Variants in CDH13 observed in about 807,000 individuals in gnomAD.
CDH13 encodes cadherin-13.
Under a neutral mutation model 63.8 loss-of-function variants are expected in CDH13, and 24 were observed. The ratio of observed to expected loss-of-function variants is 0.38; its 90% CI spans 0.27 to 0.53. CDH13 has a LOEUF of 0.53. CDH13 is among the 20% of genes least tolerant of loss of function. The probability of loss-of-function intolerance (pLI) is 0.85; values close to 1 mark genes in which losing one functional copy is unlikely to be tolerated. For synonymous variants in CDH13, 503 were observed against 355.3 expected (o/e 1.42, Z -4.67); for missense variants, 1,049 against 903.1 (o/e 1.16, Z -2.07).
intron 8 of CDH13, among the ~76,000 whole-genome samples, chr16:83,668,909 G>T (rs1198132800): frequency 1.3e-5 from 2 of 152,156 alleles, no homozygotes; most frequent in Non-Finnish European, 1.5e-5. Context: ...TGTACTGCAG[G>T]CCTGTCCACA....
At chr16:82,831,629 A>C (rs1157465696) in intron 1 of CDH13, among the ~76,000 whole-genome samples, 1 of 152,216 alleles carries the variant, frequency 6.6e-6, no homozygotes, top group Non-Finnish European at 1.5e-5. Flanking sequence ...ATATCCAAAA[A>C]ATAACAATAA....
intron 1 of CDH13, among the ~76,000 whole-genome samples, chr16:82,802,718 G>A: frequency 6.6e-6 from 1 of 152,036 alleles, no homozygotes; most frequent in East Asian, 1.9e-4. Context: ...TAACTTTAAA[G>A]GTGAGCATAC....
intron 5 of CDH13, among the ~76,000 whole-genome samples, chr16:83,221,953 A>C (rs1187144080): frequency 6.6e-6 from 1 of 152,250 alleles, no homozygotes; most frequent in Admixed American, 6.5e-5. Flanking sequence ...CTGATGAATT[A>C]GATGAGGGCT....
chr16:82,983,288 C>A (rs945715043), intron 2 of CDH13, among the ~76,000 whole-genome samples: 1 of 152,172 alleles, frequency 6.6e-6, no homozygotes, highest in Non-Finnish European at 1.5e-5. Context: ...ATTTTCATCT[C>A]AGTTTGATAG....
chr16:83,764,687 ACGGC>A lies in CDH13; in HGVS notation c.1682-15280_1682-15277del, dbSNP rs1567580992. Among the ~76,000 whole-genome samples, 33 of 112,242 alleles carry A rather than the reference ACGGC, an allele frequency of 2.9e-4. 4 individuals are homozygous for A. The highest frequency in any genetic ancestry group is 7.9e-4 in the African/African-American group (24 of 30,246). 73.6% of individuals were successfully genotyped at this position (112,242 alleles called of 152,430 possible). ...GCCTGCCTTCCCTGAGGCCCTTGCC[ACGGC>A]TGCTCAGCCTCCTGAAGTCAGCCCT... is the stretch of plus-strand genomic sequence containing the variant. On this transcript the variant is annotated intron_variant, in intron 11 of 13. Transcript: ENST00000567109.
At chr16:83,257,978 G>A (rs765158906) in intron 5 of CDH13, among the ~76,000 whole-genome samples, 1 of 152,096 alleles carries the variant, frequency 6.6e-6, no homozygotes, top group Non-Finnish European at 1.5e-5. Flanking sequence ...GTGTGAGATG[G>A]TATCTCAATG....
chr16:83,672,005 C>G (rs1479935173), intron 9 of CDH13, among the ~76,000 whole-genome samples: 1 of 152,156 alleles, frequency 6.6e-6, no homozygotes, highest in Non-Finnish European at 1.5e-5. Context: ...ATTTTCTTTT[C>G]TAGTGGATGA....
At chr16:83,538,001 C>T (rs537130629) in intron 7 of CDH13, among the ~76,000 whole-genome samples, 49 of 152,182 alleles carry the variant, frequency 3.2e-4, no homozygotes, top group African/African-American at 1.1e-3. Context: ...TTGATGTTAC[C>T]GTGCTATAAA....
chr16:83,715,500 T>C (rs934776560), intron 10 of CDH13, among the ~76,000 whole-genome samples: 1 of 152,196 alleles, frequency 6.6e-6, no homozygotes, highest in Non-Finnish European at 1.5e-5. Flanking sequence ...TAAGTCTCCT[T>C]CCTGGCAGCA....
intron 7 of CDH13, among the ~76,000 whole-genome samples, chr16:83,601,194 A>G (rs1390737279): frequency 6.6e-6 from 1 of 152,204 alleles, no homozygotes; most frequent in Admixed American, 6.5e-5. Context: ...GAAGTAAAGG[A>G]TAGGTCCCCA....
chr16:83,462,501 C>T lies in CDH13; in HGVS notation c.782-23976C>T, dbSNP rs149303185. Among the ~76,000 whole-genome samples, 774 of 152,346 alleles carry T rather than the reference C, an allele frequency of 5.1e-3. 10 individuals are homozygous for T. The highest frequency in any genetic ancestry group is 0.018 in the African/African-American group (747 of 41,584). ...GTGCAGTGGCTTACGCCTGTAATCC[C>T]AGCACTTTGGGAGGCCAACGCGAGC... On this transcript the variant is annotated intron_variant, in intron 6 of 13. Coordinates refer to ENST00000567109, the MANE Select transcript of CDH13 (RefSeq NM_001257.5).
chr16:82,921,852 A>T (rs1341376454), intron 2 of CDH13, among the ~76,000 whole-genome samples: 1 of 152,104 alleles, frequency 6.6e-6, no homozygotes, highest in African/African-American at 2.4e-5. Flanking sequence ...GCTTGATAAA[A>T]CTTACCTGTA....
At chr16:83,004,355 T>G (rs1913257148) in intron 2 of CDH13, among the ~76,000 whole-genome samples, 1 of 152,146 alleles carries the variant, frequency 6.6e-6, no homozygotes, top group South Asian at 2.1e-4. Context: ...CCAAATCAGT[T>G]AGGATATTGG....
chr16:83,151,467 A>G (rs1180607423), intron 4 of CDH13, among the ~76,000 whole-genome samples: 1 of 152,224 alleles, frequency 6.6e-6, no homozygotes, highest in Non-Finnish European at 1.5e-5. Flanking sequence ...GATAGCCATC[A>G]TTGGCTAGAC....
intron 5 of CDH13, among the ~76,000 whole-genome samples, chr16:83,246,268 G>C (rs1904982492): frequency 6.6e-6 from 1 of 152,150 alleles, no homozygotes; most frequent in South Asian, 2.1e-4. Context: ...GAAATTTTAT[G>C]CAAAAACTTG....
chr16:83,456,609 G>A (rs987952609), intron 6 of CDH13, among the ~76,000 whole-genome samples: 3 of 152,120 alleles, frequency 2.0e-5, no homozygotes, highest in Admixed American at 6.5e-5. Context: ...CATTTCAGAC[G>A]CTGAGAAGTC....
At position 82,686,551 on chromosome 16, in the gene CDH13, C is replaced by T. The variant is rs545748109; in HGVS notation, c.45+59414C>T. Among the ~76,000 whole-genome samples, 8 of 152,314 alleles carry T rather than the reference C, an allele frequency of 5.3e-5. No homozygotes were observed. The East Asian group carries it at 9.6e-4, about 18-fold the overall frequency. ...TATGCCAGAGAACAACGAGGCCAGT[C>T]GCTCACTGACTATGGAAGATGAGTC... On this transcript the variant is annotated intron_variant, in intron 1 of 13. Coordinates refer to ENST00000567109, the MANE Select transcript of CDH13 (RefSeq NM_001257.5).
chr16:82,799,979 G>C (rs1336642938), intron 1 of CDH13, among the ~76,000 whole-genome samples: 3 of 152,118 alleles, frequency 2.0e-5, no homozygotes, highest in African/African-American at 7.2e-5. Flanking sequence ...CAAGCAGAGA[G>C]GATCTATTTT....
At chr16:83,504,812 T>C (rs749140424) in intron 7 of CDH13, among the ~76,000 whole-genome samples, 11 of 152,184 alleles carry the variant, frequency 7.2e-5, no homozygotes, top group African/African-American at 9.7e-5. Flanking sequence ...AAATAACATT[T>C]GTTTATAGTT....
Sources: allele counts gnomAD v4.1 joint callset (sites outside exome capture counted in the v4.1 genomes callset), GRCh38; gene constraint gnomAD v4.1.1; transcripts MANE v1.5; gene names NCBI Gene and HGNC (gene_info 2026-07-23, HGNC 2026-07-21).